Variants in MSANTD3 observed in about 807,000 individuals in gnomAD.
MSANTD3 encodes the protein Myb/SANT DNA binding domain containing 3, also known as myb/SANT-like DNA-binding domain-containing protein 3.
A neutral mutation model predicts 27.7 loss-of-function variants in MSANTD3; 11 were observed. That is an observed-to-expected ratio of 0.40 (90% CI 0.25 to 0.66). MSANTD3 has a LOEUF of 0.66. MSANTD3 is among the 30% of genes least tolerant of loss of function. The pLI is 0.41. For synonymous variants in MSANTD3, 131 were observed against 127.2 expected (o/e 1.03, Z -0.20); for missense variants, 250 against 336.5 (o/e 0.74, Z 2.01).
At chr9:100,445,701 T>A (rs1402472311) in intron 2 of MSANTD3, among the ~76,000 whole-genome samples, 1 of 152,186 alleles carries the variant, frequency 6.6e-6, no homozygotes, top group African/African-American at 2.4e-5. Context: ...GAATTTATGA[T>A]AAAACTGTTA....
At chr9:100,449,114 C>T (rs61306839) in intron 2 of MSANTD3, 169,186 of 984,930 alleles carry the variant, frequency 0.17, 15,218 homozygotes, top group Middle Eastern at 0.21. Context: ...AGAAGATGCT[C>T]GTTATTGGAA....
chr9:100,442,735 G>A (rs1012092579), intron 2 of MSANTD3, among the ~76,000 whole-genome samples: 3 of 151,098 alleles, frequency 2.0e-5, no homozygotes, highest in African/African-American at 7.3e-5. Flanking sequence ...CTTGAGCCCA[G>A]GAGGTGGAAG....
intron 1 of MSANTD3, among the ~76,000 whole-genome samples, chr9:100,441,500 G>A (rs1320347655): frequency 3.3e-5 from 5 of 151,988 alleles, no homozygotes; most frequent in African/African-American, 7.2e-5. Context: ...TTAGCCGGGC[G>A]TGGTGACAGG....
intron 1 of MSANTD3, among the ~76,000 whole-genome samples, chr9:100,428,415 G>A (rs1291674731): frequency 6.6e-6 from 1 of 152,160 alleles, no homozygotes; most frequent in Admixed American, 6.5e-5. Flanking sequence ...TTAGGATTGA[G>A]GATGGCTGTG....
intron 2 of MSANTD3, chr9:100,449,274 G>T (rs769170514): frequency 1.0e-6 from 1 of 984,454 alleles, no homozygotes; most frequent in Non-Finnish European, 1.2e-6. Context: ...CCTACCAAAC[G>T]TGGTATCCTT....
At position 100,450,540 on chromosome 9, in the gene MSANTD3, C is replaced by T; in HGVS notation, c.419-17C>T. On this transcript the variant is annotated splice_polypyrimidine_tract_variant and intron_variant, in intron 2 of 2. Transcript: ENST00000395067. ...TGTAAAATCTTTGAACATATGTTTT[C>T]TGCTACTGTTTTTCAGAATCATTTG... The T allele has an allele frequency of 2.3e-5, 34 of 1,479,330 alleles. No homozygotes were observed. Among genetic ancestry groups the T allele is most frequent in the South Asian group, 9.0e-5 (6 of 66,480 alleles). The allele number at this position is 1,479,330 out of a possible 1,614,324, so 91.6% of individuals were successfully genotyped here. A position where few individuals can be genotyped will look rare whatever the true frequency, so the allele number is the denominator to read the frequency against.
intron 1 of MSANTD3, among the ~76,000 whole-genome samples, chr9:100,439,810 C>T (rs1448864681): frequency 2.6e-5 from 4 of 151,838 alleles, no homozygotes; most frequent in Admixed American, 1.3e-4. Flanking sequence ...TGAGCCATTA[C>T]GCCTGCCCAG....
chr9:100,450,697 A>G lies in MSANTD3; in HGVS notation c.559A>G (p.Thr187Ala). ...AGCCAATAAAAACTACAGGAGCAAA[A>G]CCTCTCAGGAAGGTGCTTTAAAAAA... ...ITANKNYRSK[T>A]SQEGALKKMH... Residue 187 changes from threonine (T) to alanine (A), a missense_variant, in exon 3 of 3, where the codon ACC becomes GCC. Around this residue, in one of 3 missense-constraint regions of MSANTD3, gnomAD observed 235 missense variants for 299.3 expected, o/e 0.79. Transcript: ENST00000395067. 1 of 1,614,036 alleles carries G rather than the reference A, an allele frequency of 6.2e-7. No individual in the cohort carries two copies. The highest frequency in any genetic ancestry group is 8.5e-7 in the Non-Finnish European group (1 of 1,180,008).
At chr9:100,445,441 G>A (rs756917496) in intron 2 of MSANTD3, among the ~76,000 whole-genome samples, 6 of 152,052 alleles carry the variant, frequency 3.9e-5, no homozygotes, top group Non-Finnish European at 7.4e-5. Context: ...TGAAGACTTA[G>A]TACCTAAAAA....
At chr9:100,436,493 G>T (rs145168185) in intron 1 of MSANTD3, among the ~76,000 whole-genome samples, 1 of 152,344 alleles carries the variant, frequency 6.6e-6, no homozygotes, top group East Asian at 1.9e-4. Flanking sequence ...CTGTCTAGCA[G>T]AACAGCAGAC....
At chr9:100,438,169 A>T (rs1410020336) in intron 1 of MSANTD3, among the ~76,000 whole-genome samples, 1 of 152,220 alleles carries the variant, frequency 6.6e-6, no homozygotes, top group Admixed American at 6.5e-5. Context: ...AGTGTGGCTT[A>T]CTTACCTCAG....
chr9:100,448,843 CT>C (rs1196908774), intron 2 of MSANTD3: 3 of 982,314 alleles, frequency 3.1e-6, no homozygotes, highest in Non-Finnish European at 3.6e-6. Context: ...AGTACTTTTT[CT>C]TTTTTTTTAA....
At chr9:100,441,610 G>A (rs936341857) in intron 1 of MSANTD3, among the ~76,000 whole-genome samples, 1 of 152,116 alleles carries the variant, frequency 6.6e-6, no homozygotes, top group Admixed American at 6.5e-5. Flanking sequence ...CTGCACTCCA[G>A]CCTGGGTGAC....
At chr9:100,440,539 C>G (rs1336370870) in intron 1 of MSANTD3, among the ~76,000 whole-genome samples, 1 of 151,850 alleles carries the variant, frequency 6.6e-6, no homozygotes, top group Non-Finnish European at 1.5e-5. Flanking sequence ...GATGAAAAAA[C>G]TGAGGTTGCC....
At chr9:100,447,396 T>A (rs1221649552) in intron 2 of MSANTD3, among the ~76,000 whole-genome samples, 2 of 152,286 alleles carry the variant, frequency 1.3e-5, no homozygotes, top group South Asian at 4.1e-4. Context: ...ATTTGGATGT[T>A]AGCACACATT....
chr9:100,440,080 G>T (rs778846952), intron 1 of MSANTD3, among the ~76,000 whole-genome samples: 3 of 152,166 alleles, frequency 2.0e-5, no homozygotes, highest in African/African-American at 4.8e-5. Context: ...TGGGAATAGC[G>T]TGCAGTCCTA....
intron 1 of MSANTD3, among the ~76,000 whole-genome samples, chr9:100,432,304 C>T (rs1836394039): frequency 6.6e-6 from 1 of 152,104 alleles, no homozygotes; most frequent in Admixed American, 6.5e-5. Context: ...GGGTGAGTGG[C>T]CATCCTGGGC....
intron 1 of MSANTD3, among the ~76,000 whole-genome samples, chr9:100,427,988 G>T (rs1157284480): frequency 6.6e-6 from 1 of 152,154 alleles, no homozygotes. Flanking sequence ...GTACTATTGT[G>T]AAAGATAATG....
chr9:100,448,836 A>G (rs1416886669), intron 2 of MSANTD3: 2 of 985,144 alleles, frequency 2.0e-6, no homozygotes, highest in Non-Finnish European at 1.2e-6. Flanking sequence ...GCACCGAAGT[A>G]CTTTTTCTTT....
Sources: gnomAD v4.1 joint callset for allele counts (sites outside exome capture counted in the v4.1 genomes callset) on GRCh38, gnomAD v4.1.1 for gene constraint, gnomAD v4.1.1 regional missense constraint, MANE v1.5 for transcripts, NCBI Gene and HGNC (gene_info 2026-07-23, HGNC 2026-07-21) for gene names.